CDKL5: variants seen among roughly 807,000 people sequenced by gnomAD.
The protein encoded by CDKL5 is cyclin-dependent kinase-like 5.
In CDKL5, 8 loss-of-function variants were observed where a neutral mutation model predicts 61.7. The observed-to-expected ratio is 0.13, with a 90% CI of 0.08 to 0.23. The LOEUF (loss-of-function observed/expected upper bound fraction) is 0.23, where lower values mean the gene tolerates loss of function less well. CDKL5 is among the 10% of genes least tolerant of loss of function. The pLI, the probability that CDKL5 is intolerant of heterozygous loss-of-function variation, is 1.00. For missense variants in CDKL5, 440 were observed against 734.5 expected (o/e 0.60, Z 4.63); for synonymous variants, 275 against 272.3 (o/e 1.01, Z -0.10).
At chrX:18,594,404 G>A (rs778490424) in intron 9 of CDKL5, among the ~76,000 whole-genome samples, 388 of 111,872 alleles carry the variant, frequency 3.5e-3, no homozygotes, top group African/African-American at 0.012. Context: ...TGTTAATCTA[G>A]GAACCTGTTT....
intron 1 of CDKL5, among the ~76,000 whole-genome samples, chrX:18,432,586 T>C (rs1001441706): frequency 9.2e-5 from 10 of 108,669 alleles, no homozygotes; most frequent in African/African-American, 3.4e-4. Flanking sequence ...TGAAATCATG[T>C]AGATCTTAAA....
downstream of CDKL5, chrX:18,642,007 G>A (rs773102905): frequency 3.7e-5 from 45 of 1,209,877 alleles, no homozygotes; most frequent in Non-Finnish European, 4.4e-5. Context: ...GCAGGCATCA[G>A]GCACACTTGC....
Position 18,532,595 on chromosome X carries a change from T to C in CDKL5, c.99+21741T>C, listed in dbSNP as rs549485817. ...TATTTTCAATTAACCTTGAAGAATG[T>C]AGTAATTATAAACTACAGATCGTGG... On this transcript the variant is annotated intron_variant, in intron 3 of 17. Coordinates refer to ENST00000623535, the MANE Select transcript of CDKL5 (RefSeq NM_001323289.2). Among the ~76,000 whole-genome samples the C allele has an allele frequency of 3.5e-3, 389 of 112,150 alleles. 2 individuals are homozygous for C. The Middle Eastern group carries it at 0.042, about 12-fold the overall frequency.
At chrX:18,439,127 A>G (rs1602190170) in intron 1 of CDKL5, among the ~76,000 whole-genome samples, 1 of 92,871 alleles carries the variant, frequency 1.1e-5, no homozygotes, top group Non-Finnish European at 2.0e-5. Context: ...TATCCAGTGG[A>G]TCCTCCTCTC....
At chrX:18,461,660 AG>A (rs2147646591) in intron 1 of CDKL5, among the ~76,000 whole-genome samples, 1 of 111,967 alleles carries the variant, frequency 8.9e-6, no homozygotes, top group African/African-American at 3.2e-5. Flanking sequence ...CTACTATTTG[AG>A]GGCTTGCAGT....
intron 3 of CDKL5, among the ~76,000 whole-genome samples, chrX:18,518,385 CTTATTTTTTTTTTTTTT>C (rs1923110150): frequency 1.8e-4 from 4 of 22,794 alleles, no homozygotes; most frequent in African/African-American, 6.1e-4. Flanking sequence ...CTTTTCTTTT[CTTATTTTTTTTTTTTTT>C]TTTTTTTTTT....
At chrX:18,651,220 AGTGTGTGTGT>A (rs3838188) in intron 21 of CDKL5, among the ~76,000 whole-genome samples, 59 of 65,187 alleles carry the variant, frequency 9.1e-4, no homozygotes, top group African/African-American at 3.5e-3. Flanking sequence ...GGCAGGAGCA[AGTGTGTGTGT>A]GTGTGTGTGT....
At chrX:18,479,353 ACT>A (rs1433799523) in intron 1 of CDKL5, among the ~76,000 whole-genome samples, 1 of 74,701 alleles carries the variant, frequency 1.3e-5, no homozygotes, top group African/African-American at 5.4e-5. Context: ...GGAGTCTCAC[ACT>A]CTCGCCCAGG....
intron 3 of CDKL5, among the ~76,000 whole-genome samples, chrX:18,528,385 G>C (rs1923524318): frequency 9.1e-6 from 1 of 109,356 alleles, no homozygotes; most frequent in South Asian, 4.0e-4. Context: ...CTCTAGTTTG[G>C]TACATTCATA....
chrX:18,591,229 T>G (rs1207803747), intron 9 of CDKL5, among the ~76,000 whole-genome samples: 2 of 112,034 alleles, frequency 1.8e-5, no homozygotes, highest in Non-Finnish European at 3.8e-5. Context: ...TCTTTACTTG[T>G]TAATTGTTAA....
At chrX:18,544,273 A>G (rs1924119504) in intron 3 of CDKL5, among the ~76,000 whole-genome samples, 1 of 112,209 alleles carries the variant, frequency 8.9e-6, no homozygotes, top group Admixed American at 9.5e-5. Flanking sequence ...AGGAGAAACT[A>G]GATCTCAGGG....
intron 10 of CDKL5, among the ~76,000 whole-genome samples, chrX:18,597,241 A>T (rs1482553228): frequency 1.8e-5 from 2 of 110,693 alleles, no homozygotes; most frequent in African/African-American, 6.6e-5. Flanking sequence ...TTGAAAATGA[A>T]TTTGAAAAAT....
chrX:18,495,034 T>C (rs1480130672), intron 1 of CDKL5, among the ~76,000 whole-genome samples: 5 of 112,400 alleles, frequency 4.4e-5, no homozygotes, highest in Non-Finnish European at 7.5e-5. Flanking sequence ...GTGCCTTCCA[T>C]AGAAATGGTT....
intron 3 of CDKL5, among the ~76,000 whole-genome samples, chrX:18,526,054 T>C (rs1422880320): frequency 8.9e-6 from 1 of 112,459 alleles, no homozygotes; most frequent in African/African-American, 3.2e-5. Flanking sequence ...GCCAACAATA[T>C]TGAGTCTTAT....
At chrX:18,599,899 A>G (rs1416236749) in intron 11 of CDKL5, among the ~76,000 whole-genome samples, 3 of 111,381 alleles carry the variant, frequency 2.7e-5, no homozygotes, top group East Asian at 5.7e-4. Flanking sequence ...CAGTGGTGCA[A>G]TCATGGCCCA....
intron 4 of CDKL5, among the ~76,000 whole-genome samples, chrX:18,565,557 C>G (rs1224662658): frequency 1.8e-5 from 2 of 112,091 alleles, no homozygotes; most frequent in Admixed American, 1.9e-4. Context: ...GCAGTCATAG[C>G]TTACCTTCAT....
chrX:18,578,236 G>A (rs1296276637), intron 5 of CDKL5, among the ~76,000 whole-genome samples: 1 of 112,283 alleles, frequency 8.9e-6, no homozygotes, highest in African/African-American at 3.2e-5. Flanking sequence ...CATTTATTAA[G>A]CCTTTCTAAA....
intron 3 of CDKL5, among the ~76,000 whole-genome samples, chrX:18,529,269 G>A (rs767298481): frequency 9.6e-6 from 1 of 104,566 alleles, no homozygotes; most frequent in South Asian, 4.3e-4. Flanking sequence ...ACTCTATACT[G>A]CTTCTTGAGG....
In CDKL5 at chrX:18,630,168, A is replaced by C. The variant is rs992205094; in HGVS notation, c.*1411A>C. 1.3e-6 allele frequency: 1 copy of C among 753,825 alleles called. No individual in the cohort carries two copies. The highest frequency in any genetic ancestry group is 1.6e-6 in the Non-Finnish European group (1 of 639,030). The allele number at this position is 753,825 out of a possible 1,213,427, so 62.1% of individuals were successfully genotyped here. On this transcript the variant is annotated 3_prime_UTR_variant, in exon 18 of 18. Coordinates refer to ENST00000623535, the MANE Select transcript of CDKL5 (RefSeq NM_001323289.2). ...TTCCTGGGGCTGTCCACTTATGACAAGATTTTCATGCACACCTGTTACGCA... is the reference window on the plus strand; with the variant it reads ...TTCCTGGGGCTGTCCACTTATGACACGATTTTCATGCACACCTGTTACGCA...
Sources: allele counts gnomAD v4.1 joint callset (sites outside exome capture counted in the v4.1 genomes callset), GRCh38; gene constraint gnomAD v4.1.1; transcripts MANE v1.5; gene names NCBI Gene and HGNC (gene_info 2026-07-23, HGNC 2026-07-21).